LDB2: variants seen among roughly 807,000 people sequenced by gnomAD.
LDB2 encodes LIM domain binding 2, also known as LIM domain-binding protein 2.
LDB2 carries 12 observed loss-of-function variants against 44.3 expected under a neutral mutation model. The observed-to-expected ratio is 0.27, with a 90% CI of 0.17 to 0.44. The LOEUF is 0.44. Among genes scored for constraint, LDB2 ranks in the 20% least tolerant of loss-of-function variants. The pLI, the probability that LDB2 is intolerant of heterozygous loss-of-function variation, is 1.00. For synonymous variants in LDB2, 164 were observed against 174.8 expected (o/e 0.94, Z 0.49); for missense variants, 344 against 473.5 (o/e 0.73, Z 2.54).
chr4:16,808,636 G>A (rs774723522), intron 1 of LDB2, among the ~76,000 whole-genome samples: 2 of 152,176 alleles, frequency 1.3e-5, no homozygotes, highest in Admixed American at 6.5e-5. Context: ...ACCAAAAGCC[G>A]AGGTCCATGG....
chr4:16,845,047 C>A (rs979914963), intron 1 of LDB2, among the ~76,000 whole-genome samples: 11 of 152,176 alleles, frequency 7.2e-5, no homozygotes, highest in Non-Finnish European at 1.6e-4. Context: ...GAGTCAACAG[C>A]TTAGACTCAT....
chr4:16,581,556 C>A (rs758925945), intron 5 of LDB2: 3 of 333,548 alleles, frequency 9.0e-6, no homozygotes, highest in Non-Finnish European at 1.3e-5. Flanking sequence ...TCCTAGAGCT[C>A]CCCAAGTCAC....
At chr4:16,868,587 T>C (rs1715460480) in intron 1 of LDB2, among the ~76,000 whole-genome samples, 1 of 152,178 alleles carries the variant, frequency 6.6e-6, no homozygotes, top group East Asian at 1.9e-4. Flanking sequence ...ATGGGAAAAG[T>C]TGCAGATTGT....
rs1717601981 is a variant in LDB2, at chr4:16,501,814, C to CAATT, written c.*825_*828dup. ...AAAGAAAGGATGGTCAACTCAGGTACAATTAGAAAACACACAAAGGTTCAG... is the reference window on the plus strand; with the variant it reads ...AAAGAAAGGATGGTCAACTCAGGTACAATTAATTAGAAAACACACAAAGGTTCAG... On this transcript the variant is annotated 3_prime_UTR_variant, in exon 8 of 8. Transcript: ENST00000304523. 1 of 152,504 alleles carries CAATT rather than the reference C, an allele frequency of 6.6e-6. No individual in the cohort carries two copies. The highest frequency in any genetic ancestry group is 1.5e-5 in the Non-Finnish European group (1 of 68,024). 9.4% of individuals were successfully genotyped at this position (152,504 alleles called of 1,614,324 possible).
intron 3 of LDB2, among the ~76,000 whole-genome samples, 195 bp downstream of exon 3, chr4:16,595,508 C>A (rs915212300): frequency 5.9e-5 from 9 of 152,134 alleles, no homozygotes; most frequent in African/African-American, 1.4e-4. Context: ...TGCTCAGAAT[C>A]TCATGCACAC....
chr4:16,586,679 A>G (rs375623974), intron 4 of LDB2, among the ~76,000 whole-genome samples: 1 of 152,156 alleles, frequency 6.6e-6, no homozygotes, highest in Non-Finnish European at 1.5e-5. Flanking sequence ...TGTCAGCCAC[A>G]TTTTAAGAAG....
chr4:16,668,823 A>C (rs1379408349), intron 2 of LDB2, among the ~76,000 whole-genome samples: 1 of 151,972 alleles, frequency 6.6e-6, no homozygotes, highest in Non-Finnish European at 1.5e-5. Context: ...TCCCTGTCTC[A>C]CCTCTGCCTT....
At chr4:16,827,403 A>C (rs1342300759) in intron 1 of LDB2, among the ~76,000 whole-genome samples, 1 of 152,154 alleles carries the variant, frequency 6.6e-6, no homozygotes, top group Non-Finnish European at 1.5e-5. Flanking sequence ...TTGCTCTTAA[A>C]CGTATTCAGA....
At chr4:16,688,016 C>T (rs1424342100) in intron 2 of LDB2, among the ~76,000 whole-genome samples, 1 of 152,232 alleles carries the variant, frequency 6.6e-6, no homozygotes, top group South Asian at 2.1e-4. Context: ...TTACATTGAA[C>T]GTTAGCTTCT....
At chr4:16,704,162 T>A (rs1754104411) in intron 2 of LDB2, among the ~76,000 whole-genome samples, 1 of 152,204 alleles carries the variant, frequency 6.6e-6, no homozygotes, top group Non-Finnish European at 1.5e-5. Context: ...TACAAGACCA[T>A]TATTGTGATT....
At chr4:16,857,240 G>A (rs1789532897) in intron 1 of LDB2, among the ~76,000 whole-genome samples, 1 of 152,194 alleles carries the variant, frequency 6.6e-6, no homozygotes, top group Admixed American at 6.5e-5. Flanking sequence ...TAGACCAATA[G>A]TTCCTCAAGG....
intron 5 of LDB2, among the ~76,000 whole-genome samples, chr4:16,524,738 G>A (rs1183505416): frequency 4.6e-5 from 7 of 152,148 alleles, no homozygotes; most frequent in African/African-American, 9.7e-5. Context: ...TCTTTCATCC[G>A]TGTTTCCTGA....
intron 1 of LDB2, among the ~76,000 whole-genome samples, chr4:16,865,428 A>C (rs1000953532): frequency 1.2e-4 from 19 of 152,138 alleles, no homozygotes; most frequent in African/African-American, 4.6e-4. Flanking sequence ...GACCAGCTTG[A>C]TGCACAGGGG....
rs1289401499 is a variant in LDB2 at position 16,631,650 on chromosome 4, C to T, written c.236-35775G>A. On this transcript the variant is annotated intron_variant, in intron 2 of 7. Coordinates refer to ENST00000304523, the MANE Select transcript of LDB2 (RefSeq NM_001290.5). ...AAAAAGAAACAATAAATCCAGGAGC[C>T]GGTTTTTTGAAAAGATAACAAAATA... Among the ~76,000 whole-genome samples the T allele has an allele frequency of 7.2e-5, 11 of 151,792 alleles. 1 individual carries two copies. Among genetic ancestry groups the T allele is most frequent in the South Asian group, 4.2e-4 (2 of 4,798 alleles).
intron 1 of LDB2, among the ~76,000 whole-genome samples, chr4:16,817,593 A>G (rs1390832031): frequency 3.3e-5 from 5 of 152,224 alleles, no homozygotes; most frequent in Non-Finnish European, 7.3e-5. Flanking sequence ...AATCTAAGTC[A>G]GTGTTCAAAT....
chr4:16,514,590 T>A (rs977601138), intron 5 of LDB2, among the ~76,000 whole-genome samples: 30 of 152,316 alleles, frequency 2.0e-4, no homozygotes, highest in Non-Finnish European at 4.0e-4. Flanking sequence ...GACCTAAGCT[T>A]GCTTAAACCA....
chr4:16,643,397 C>T (rs78394136), intron 2 of LDB2, among the ~76,000 whole-genome samples: 3,164 of 152,292 alleles, frequency 0.021, 29 homozygotes, highest in East Asian at 0.046. Flanking sequence ...TCTTTTCTCA[C>T]AGACAGGTAT....
intron 2 of LDB2, among the ~76,000 whole-genome samples, chr4:16,690,946 T>C (rs1392329097): frequency 6.6e-6 from 1 of 152,190 alleles, no homozygotes; most frequent in Non-Finnish European, 1.5e-5. Context: ...AAGGAAGCCA[T>C]CTCTGATGTC....
intron 5 of LDB2, among the ~76,000 whole-genome samples, chr4:16,516,185 C>T (rs1723664520): frequency 6.6e-6 from 1 of 152,106 alleles, no homozygotes; most frequent in East Asian, 1.9e-4. Flanking sequence ...TTTTGACTCT[C>T]ACTAGATATG....
Sources: gnomAD v4.1 joint callset for allele counts (sites outside exome capture counted in the v4.1 genomes callset) on GRCh38, gnomAD v4.1.1 for gene constraint, MANE v1.5 for transcripts, NCBI Gene and HGNC (gene_info 2026-07-23, HGNC 2026-07-21) for gene names.